Variants in NRSN2 observed in about 807,000 individuals in gnomAD.
NRSN2 encodes neurensin-2.
In NRSN2, 10 loss-of-function variants were observed where a neutral mutation model predicts 11.1. That is an observed-to-expected ratio of 0.90 (90% CI 0.56 to 1.53). The LOEUF is 1.53. Among genes scored for constraint, NRSN2 ranks in the 40% most tolerant of loss-of-function variants. NRSN2 has a pLI of 0.00. For synonymous variants in NRSN2, 100 were observed against 117.0 expected (o/e 0.86, Z 0.94); for missense variants, 260 against 273.7 (o/e 0.95, Z 0.35).
chr20:351,417 CCTA>C (rs893611772), intron 4 of NRSN2, among the ~76,000 whole-genome samples: 2 of 151,992 alleles, frequency 1.3e-5, no homozygotes, highest in African/African-American at 4.8e-5. Context: ...GCCTGTGATG[CCTA>C]CTACTCAAGA....
rs185902117 is a variant in NRSN2, at chr20:347,941, G to A, written c.-122+429G>A. 6.6e-6 allele frequency among the ~76,000 whole-genome samples: 1 copy of A among 151,944 alleles called. No individual in the cohort carries two copies. Among genetic ancestry groups the A allele is most frequent in the Non-Finnish European group, 1.5e-5 (1 of 67,944 alleles). On this transcript the variant is annotated intron_variant, in intron 2 of 4. Coordinates refer to ENST00000382285, the MANE Select transcript of NRSN2 (RefSeq NM_001323682.2). The surrounding 1 kb of genome is among the most constrained non-coding windows in gnomAD (Gnocchi z 7.0). ...GTGCAGCCCTGAAACGCCAGGCGGA[G>A]GGGCCAGGCCGAGCGGGAGGCAGCG...
intron 4 of NRSN2, among the ~76,000 whole-genome samples, chr20:352,834 C>G (rs2014076420): frequency 6.6e-6 from 1 of 152,198 alleles, no homozygotes; most frequent in African/African-American, 2.4e-5. Flanking sequence ...AGACCTGACT[C>G]AGTCCAGGGG....
In NRSN2 at chr20:353,305, G is replaced by A. The variant is rs2014129301; in HGVS notation, c.285G>A (p.Glu95=). 5 of 1,613,994 alleles carry A rather than the reference G, an allele frequency of 3.1e-6. No homozygotes were observed. Among genetic ancestry groups the A allele is most frequent in the Non-Finnish European group, 4.2e-6 (5 of 1,180,052 alleles). The change falls in exon 5 of 5, where the codon GAG becomes GAA. Residue 95 remains glutamate, a synonymous_variant. Coordinates refer to ENST00000382285, the MANE Select transcript of NRSN2 (RefSeq NM_001323682.2). ...CCCCCAAGCTGGAGGGCATCGGTGA[G>A]GGTGAGTTCCTGGTGTTGGATCAGC... ...AVPPKLEGIG[E]GEFLVLDQRA...
Position 353,546 on chromosome 20 carries a change from A to G in NRSN2, c.526A>G (p.Asn176Asp). ...PEQQLSPIFR[N>D]ASGQSWFSPP... ...GCAGCAGTTGTCACCCATTTTCCGC[A>G]ATGCCAGTGGCCAGTCATGGTTCTC... The change falls in exon 5 of 5, where the codon AAT becomes GAT. Residue 176 changes from asparagine to aspartate, a missense_variant. Coordinates refer to ENST00000382285, the MANE Select transcript of NRSN2 (RefSeq NM_001323682.2). 8 of 1,614,110 alleles carry G rather than the reference A, an allele frequency of 5.0e-6. No homozygotes were observed. The highest frequency in any genetic ancestry group is 5.9e-6 in the Non-Finnish European group (7 of 1,180,022).
Position 349,323 on chromosome 20 carries a change from CTCCAG to C in NRSN2, c.-42_-38del, listed in dbSNP as rs2013730024. 4.1e-6 allele frequency: 1 copy of C among 244,950 alleles called. No individual in the cohort carries two copies. The highest frequency in any genetic ancestry group is 7.8e-6 in the Non-Finnish European group (1 of 127,572). The allele number at this position is 244,950 out of a possible 1,614,324, so 15.2% of individuals were successfully genotyped here. ...CCTCCAGGAAGCAGTGTGTCCACGA[CTCCAG>C]TCCAAGTGGTCAGGCTCCAGAGCCC... On this transcript the variant is annotated 5_prime_UTR_variant, in exon 3 of 5. Coordinates refer to ENST00000382285, the MANE Select transcript of NRSN2 (RefSeq NM_001323682.2).
chr20:352,682 GCA>G (rs1436020537), intron 4 of NRSN2, among the ~76,000 whole-genome samples: 1 of 152,216 alleles, frequency 6.6e-6, no homozygotes, highest in African/African-American at 2.4e-5. Context: ...GCCAAAACAG[GCA>G]CAGTCTGCTC....
chr20:351,251 A>T (rs2013947665), intron 4 of NRSN2, among the ~76,000 whole-genome samples: 1 of 152,072 alleles, frequency 6.6e-6, no homozygotes, highest in African/African-American at 2.4e-5. Context: ...CAAACAAAAA[A>T]TGGCCACAGG....
At chr20:349,407 C>G (rs2013736106) in intron 3 of NRSN2, 44 bp downstream of exon 3, 1 of 427,956 alleles carries the variant, frequency 2.3e-6, no homozygotes, top group Non-Finnish European at 4.2e-6. Context: ...TTATTGACAC[C>G]TCCAATTGCC....
intron 3 of NRSN2, 64 bp downstream of exon 3, chr20:349,427 G>T (rs1268262813): frequency 4.0e-6 from 2 of 498,622 alleles, no homozygotes; most frequent in East Asian, 6.6e-5. Flanking sequence ...CAGGCACTGG[G>T]CTAAGGCCTT....
intron 4 of NRSN2, among the ~76,000 whole-genome samples, chr20:351,674 A>G (rs1389967767): frequency 6.6e-6 from 1 of 152,254 alleles, no homozygotes; most frequent in Non-Finnish European, 1.5e-5. Context: ...GAGAAGAACT[A>G]CAAAACTCAA....
intron 4 of NRSN2, among the ~76,000 whole-genome samples, chr20:352,415 G>T (rs2014040886): frequency 6.6e-6 from 1 of 152,198 alleles, no homozygotes; most frequent in African/African-American, 2.4e-5. Context: ...CATAACTTCA[G>T]GTCAGGTCTG....
intron 2 of NRSN2, 59 bp from the exon 3 acceptor site, chr20:349,190 C>T (rs1209802588): frequency 2.6e-5 from 4 of 154,140 alleles, no homozygotes. Context: ...GCTACCATTT[C>T]TCAGCATTAG....
rs2013567281 is a variant in NRSN2, at chr20:347,939, G to C, written c.-122+427G>C. On this transcript the variant is annotated intron_variant, in intron 2 of 4. Coordinates refer to ENST00000382285, the MANE Select transcript of NRSN2 (RefSeq NM_001323682.2). This position sits in a 1 kb window ranked among gnomAD's most constrained non-coding sequence, Gnocchi z 7.0. ...CCGTGCAGCCCTGAAACGCCAGGCGGAGGGGCCAGGCCGAGCGGGAGGCAG... is the reference window on the plus strand; with the variant it reads ...CCGTGCAGCCCTGAAACGCCAGGCGCAGGGGCCAGGCCGAGCGGGAGGCAG... Among the ~76,000 whole-genome samples, 1 of 151,834 alleles carries C rather than the reference G, an allele frequency of 6.6e-6. No individual in the cohort carries two copies. Among genetic ancestry groups the C allele is most frequent in the African/African-American group, 2.4e-5 (1 of 41,322 alleles).
At position 353,979 on chromosome 20, in the gene NRSN2, C is replaced by T. The variant is rs1033462429; in HGVS notation, c.*344C>T. Reference sequence around the variant, plus strand: ...AAGCCATCAGCTCCTGCCTCTCTGCCATGAGGGCTTTGGATCAGATTCCTC... The same window carrying T: ...AAGCCATCAGCTCCTGCCTCTCTGCTATGAGGGCTTTGGATCAGATTCCTC... On this transcript the variant is annotated 3_prime_UTR_variant, in exon 5 of 5. Transcript: ENST00000382285. 1 of 317,172 alleles carries T rather than the reference C, an allele frequency of 3.2e-6. No individual in the cohort carries two copies. The highest frequency in any genetic ancestry group is 5.9e-6 in the Non-Finnish European group (1 of 170,902). 19.6% of individuals were successfully genotyped at this position (317,172 alleles called of 1,614,324 possible).
intron 2 of NRSN2, chr20:348,513 G>GTGTGTGTGTGTGTGTA (rs2013647063): frequency 6.5e-6 from 1 of 153,372 alleles, no homozygotes; most frequent in Non-Finnish European, 1.4e-5. Flanking sequence ...GTGTGTGTGT[G>GTGTGTGTGTGTGTGTA]TGTGTGTGTG....
chr20:348,015 C>T (rs1234811349), intron 2 of NRSN2: 4 of 152,728 alleles, frequency 2.6e-5, no homozygotes, highest in Non-Finnish European at 4.4e-5. Flanking sequence ...GTGATTCCAT[C>T]TATTTGGAGT....
Position 353,412 on chromosome 20 carries a change from C to G in NRSN2, c.392C>G (p.Ala131Gly). 3.1e-6 allele frequency: 5 copies of G among 1,614,004 alleles called. No individual in the cohort carries two copies. Among genetic ancestry groups the G allele is most frequent in the Non-Finnish European group, 4.2e-6 (5 of 1,180,032 alleles). The part of the protein sequence containing the change: ...ALCVAAGVLL[A>G]ICLFWAMIGW... ...TGTGTGGCAGCTGGAGTTCTGCTCG[C>G]CATCTGCCTCTTCTGGGCCATGATA... Residue 131 changes from alanine (A) to glycine (G), a missense_variant, in exon 5 of 5, where the codon GCC becomes GGC. By Grantham distance (60) the Ala-to-Gly change is moderately conservative (BLOSUM62 0). Transcript: ENST00000382285.
At chr20:351,119 C>T (rs978413111) in intron 4 of NRSN2, among the ~76,000 whole-genome samples, 1 of 152,214 alleles carries the variant, frequency 6.6e-6, no homozygotes, top group African/African-American at 2.4e-5. Context: ...ATCCCAGCTA[C>T]TCTGGAGGCT....
chr20:353,922 C>T lies in NRSN2; in HGVS notation c.*287C>T. ...CTTCAACCCGTCCCCACTCCTTCCT[C>T]TGCATGACCTTGGGCAAACCCTTGC... is the stretch of plus-strand genomic sequence containing the variant. On this transcript the variant is annotated 3_prime_UTR_variant, in exon 5 of 5. Coordinates refer to ENST00000382285, the MANE Select transcript of NRSN2 (RefSeq NM_001323682.2). 1 of 467,932 alleles carries T rather than the reference C, an allele frequency of 2.1e-6. No homozygotes were observed. Among genetic ancestry groups the T allele is most frequent in the Non-Finnish European group, 3.8e-6 (1 of 262,246 alleles). The allele number at this position is 467,932 out of a possible 1,614,324, so 29.0% of individuals were successfully genotyped here.
Sources: gnomAD v4.1 joint callset for allele counts (sites outside exome capture counted in the v4.1 genomes callset) on GRCh38, gnomAD v4.1.1 for gene constraint, Gnocchi (gnomAD v3.1) non-coding constraint, MANE v1.5 for transcripts, NCBI Gene and HGNC (gene_info 2026-07-23, HGNC 2026-07-21) for gene names.